The following COPG2 variants were observed in gnomAD, a reference collection of about 807,000 sequenced individuals.
COPG2 encodes coatomer subunit gamma-2.
Under a neutral mutation model 46.3 loss-of-function variants are expected in COPG2, and 37 were observed. That is an observed-to-expected ratio of 0.80 (90% confidence interval 0.61 to 1.05). The LOEUF (loss-of-function observed/expected upper bound fraction) is 1.05. COPG2 is among the 50% of genes least tolerant of loss of function. COPG2 has a pLI of 0.00. For synonymous variants in COPG2, 159 were observed against 129.7 expected, an observed-to-expected ratio of 1.23 and a Z score of -1.53; for missense variants, 427 against 387.8, an observed-to-expected ratio of 1.10 and a Z score of -0.85.
At chr7:130,649,799 C>A (rs77035653) in intron 5 of COPG2, among the ~76,000 whole-genome samples, 8,616 of 152,226 alleles carry the variant, frequency 0.057, 475 homozygotes, top group African/African-American at 0.14. Flanking sequence ...CTGCATAATT[C>A]CAAAGCTACT....
At chr7:130,529,967 A>C (rs1799807879) in intron 20 of COPG2, among the ~76,000 whole-genome samples, 4 of 152,118 alleles carry the variant, frequency 2.6e-5, no homozygotes, top group Admixed American at 6.5e-5. Flanking sequence ...GGGCCTTCAA[A>C]AGTTAAGTGG....
chr7:130,647,457 T>C lies in COPG2; in HGVS notation c.323+5412A>G, dbSNP rs142952281. Among the ~76,000 whole-genome samples the C allele has an allele frequency of 9.5e-3, 1,442 of 152,302 alleles. 14 individuals carry two copies. The highest frequency in any genetic ancestry group is 0.02 in the Middle Eastern group (6 of 294). Reference sequence around the variant, plus strand: ...CCCTCATAAGGCTGTTATGACATTCTTGTACAGTCTTTTTTGTGGCCATAT... The same window carrying C: ...CCCTCATAAGGCTGTTATGACATTCCTGTACAGTCTTTTTTGTGGCCATAT... On this transcript the variant is annotated intron_variant, in intron 5 of 23. Transcript: ENST00000425248.
chr7:130,644,783 C>T (rs1327181320), intron 5 of COPG2, among the ~76,000 whole-genome samples: 10 of 152,032 alleles, frequency 6.6e-5, no homozygotes, highest in African/African-American at 2.2e-4. Flanking sequence ...AAATGCTGGC[C>T]GGGCGCAGTG....
At chr7:130,507,950 A>T in intron 21 of COPG2, 127 bp from the exon 22 acceptor site, 1 of 654,882 alleles carries the variant, frequency 1.5e-6, no homozygotes, top group East Asian at 2.5e-5. Flanking sequence ...TAAGTTCTGT[A>T]GTCTGGATAA....
intron 9 of COPG2, among the ~76,000 whole-genome samples, chr7:130,586,600 C>T (rs1019016422): frequency 2.6e-5 from 4 of 152,038 alleles, no homozygotes; most frequent in Non-Finnish European, 4.4e-5. Context: ...GTAGCTGGGA[C>T]TACAGGCACC....
At chr7:130,618,707 T>G (rs958280124) in intron 5 of COPG2, among the ~76,000 whole-genome samples, 1 of 152,184 alleles carries the variant, frequency 6.6e-6, no homozygotes, top group African/African-American at 2.4e-5. Flanking sequence ...CCTTAGGTTT[T>G]TCCTTCTTTT....
intron 9 of COPG2, among the ~76,000 whole-genome samples, chr7:130,592,599 T>C (rs1209095725): frequency 1.3e-5 from 2 of 152,152 alleles, no homozygotes; most frequent in African/African-American, 2.4e-5. Flanking sequence ...AAAGAACTTT[T>C]ATGATTTGAT....
intron 10 of COPG2, 62 bp downstream of exon 10, chr7:130,564,198 C>A: frequency 2.5e-6 from 1 of 398,384 alleles, no homozygotes; most frequent in Non-Finnish European, 4.4e-6. Context: ...ATTCTGTAGA[C>A]CTATGAAACT....
intron 9 of COPG2, among the ~76,000 whole-genome samples, chr7:130,579,330 A>C (rs1794084525): frequency 6.7e-6 from 1 of 149,706 alleles, no homozygotes; most frequent in South Asian, 2.2e-4. Context: ...GCCTGCCCTA[A>C]AAGAGCTCCT....
chr7:130,567,221 A>G (rs1211448313), intron 9 of COPG2, among the ~76,000 whole-genome samples: 1 of 152,338 alleles, frequency 6.6e-6, no homozygotes, highest in East Asian at 1.9e-4. Context: ...AGAAGGGAAC[A>G]ATAGGCACTG....
At chr7:130,564,487 C>G (rs1240414719) in intron 9 of COPG2, 94 bp from the exon 10 acceptor site, 5 of 397,860 alleles carry the variant, frequency 1.3e-5, no homozygotes, top group Non-Finnish European at 2.2e-5. Flanking sequence ...AGAGGCACTT[C>G]TGGAATGGTG....
At chr7:130,589,279 T>C (rs1026884332) in intron 9 of COPG2, among the ~76,000 whole-genome samples, 26 of 151,632 alleles carry the variant, frequency 1.7e-4, no homozygotes, top group Non-Finnish European at 3.4e-4. Context: ...TGTACAGGTT[T>C]ACTTTTTTTT....
In COPG2 at chr7:130,515,894, C is replaced by A. The variant is rs2116341295; in HGVS notation, c.2150-7235G>T. 1.3e-5 allele frequency among the ~76,000 whole-genome samples: 2 copies of A among 151,954 alleles called. 1 individual carries two copies. The highest frequency in any genetic ancestry group is 4.2e-4 in the South Asian group (2 of 4,806). The stretch of plus-strand genomic sequence containing the variant: ...TGATTTTATGTTAATCCAGTCACAG[C>A]CACTCAAGTAGACAGAGGAAGGAGA... On this transcript the variant is annotated intron_variant, in intron 20 of 23. Coordinates refer to ENST00000425248, the MANE Select transcript of COPG2 (RefSeq NM_012133.6).
At chr7:130,513,341 A>ATATATATATGTGTG (rs1215646008) in intron 20 of COPG2, among the ~76,000 whole-genome samples, 9 of 51,552 alleles carry the variant, frequency 1.7e-4, no homozygotes, top group African/African-American at 3.3e-4. Flanking sequence ...ATATATATAT[A>ATATATATATGTGTG]TGTGTGTGTG....
At chr7:130,511,297 A>G (rs1223618206) in intron 20 of COPG2, 7 of 400,580 alleles carry the variant, frequency 1.7e-5, no homozygotes, top group Admixed American at 9.9e-5. Context: ...AGGGCAAAAG[A>G]TTAGAAAGAA....
chr7:130,600,895 C>T (rs900030857), intron 9 of COPG2, among the ~76,000 whole-genome samples: 2 of 152,176 alleles, frequency 1.3e-5, no homozygotes, highest in Non-Finnish European at 2.9e-5. Context: ...ACATTATATA[C>T]ACCAGAGTTT....
intron 20 of COPG2, among the ~76,000 whole-genome samples, chr7:130,522,654 T>C (rs960576737): frequency 6.6e-6 from 1 of 151,846 alleles, no homozygotes; most frequent in Non-Finnish European, 1.5e-5. Context: ...AAAGGAAATG[T>C]GCAGAAGAAA....
At chr7:130,644,968 A>G (rs1554457896) in intron 5 of COPG2, among the ~76,000 whole-genome samples, 1 of 151,854 alleles carries the variant, frequency 6.6e-6, no homozygotes, top group Non-Finnish European at 1.5e-5. Flanking sequence ...AGGCTGAGGC[A>G]GGAGAATCGC....
intron 18 of COPG2, 86 bp downstream of exon 18, chr7:130,549,228 G>T (rs1256616339): frequency 1.0e-5 from 4 of 397,550 alleles, no homozygotes; most frequent in South Asian, 1.3e-4. Context: ...ATTGAGAACC[G>T]ATCAATTTGA....
Sources: allele counts gnomAD v4.1 joint callset (sites outside exome capture counted in the v4.1 genomes callset), GRCh38; gene constraint gnomAD v4.1.1; transcripts MANE v1.5; gene names NCBI Gene and HGNC (gene_info 2026-07-23, HGNC 2026-07-21).